LRRC4C: variants seen among roughly 807,000 people sequenced by gnomAD.
The protein encoded by LRRC4C is leucine rich repeat containing 4C.
In LRRC4C, 5 loss-of-function variants were observed where a neutral mutation model predicts 33.6. That is an observed-to-expected ratio of 0.15 (90% CI 0.08 to 0.31). The LOEUF is 0.31. LRRC4C is among the 10% of genes least tolerant of loss of function. The probability of loss-of-function intolerance (pLI) is 1.00; values close to 1 mark genes in which losing one functional copy is unlikely to be tolerated. For missense variants in LRRC4C, 560 were observed against 796.7 expected (o/e 0.70, Z 3.58); for synonymous variants, 329 against 302.0 (o/e 1.09, Z -0.93).
chr11:40,497,321 T>C (rs145675032), intron 3 of LRRC4C, among the ~76,000 whole-genome samples: 2,430 of 152,044 alleles, frequency 0.016, 74 homozygotes, highest in African/African-American at 0.055. Context: ...GGAGAATCGC[T>C]TGAATCTGGG....
At chr11:40,646,137 C>T (rs949632966) in intron 3 of LRRC4C, among the ~76,000 whole-genome samples, 1 of 151,848 alleles carries the variant, frequency 6.6e-6, no homozygotes, top group East Asian at 1.9e-4. Context: ...TGAATGTAAC[C>T]TGATTCACAC....
At chr11:40,428,034 A>G (rs1424573563) in intron 3 of LRRC4C, among the ~76,000 whole-genome samples, 1 of 152,230 alleles carries the variant, frequency 6.6e-6, no homozygotes, top group African/African-American at 2.4e-5. Context: ...ATTCTGAATC[A>G]GAAAGGCTTT....
In LRRC4C at chr11:40,723,906, T is replaced by C. The variant is rs373469608; in HGVS notation, c.-406-75628A>G. Among the ~76,000 whole-genome samples the C allele has an allele frequency of 7.9e-5, 12 of 152,182 alleles. No individual in the cohort carries two copies. The East Asian group carries it at 2.1e-3, about 27-fold the overall frequency. ...CACCCATAGGCTCAAAGTAAAGAGA[T>C]GGAGAAATATCTACAATGCAAATGG... On this transcript the variant is annotated intron_variant, in intron 2 of 6. Transcript: ENST00000528697.
chr11:40,528,039 C>A (rs879503094), intron 3 of LRRC4C, among the ~76,000 whole-genome samples: 7 of 152,208 alleles, frequency 4.6e-5, no homozygotes, highest in African/African-American at 1.7e-4. Flanking sequence ...AGCCACTGCA[C>A]CCTGCCAGAA....
At chr11:41,407,919 T>C (rs1180673039) in intron 1 of LRRC4C, among the ~76,000 whole-genome samples, 1 of 152,148 alleles carries the variant, frequency 6.6e-6, no homozygotes, top group Non-Finnish European at 1.5e-5. Context: ...ATAGCAGCTG[T>C]GGAAAGCTTC....
At chr11:40,156,904 GA>G (rs1256534760) in intron 5 of LRRC4C, among the ~76,000 whole-genome samples, 3 of 151,894 alleles carry the variant, frequency 2.0e-5, no homozygotes, top group Non-Finnish European at 4.4e-5. Context: ...TACAGAATTA[GA>G]AAAAACAATT....
rs191374840 is a variant in LRRC4C at position 41,093,527 on chromosome 11, T to A, written c.-495-159804A>T. On this transcript the variant is annotated intron_variant, in intron 1 of 6. Coordinates refer to ENST00000528697, the MANE Select transcript of LRRC4C (RefSeq NM_001258419.2). ...ATACTTGGAAGTGGAATATGTATAC[T>A]ATTTGCTCTTTATTCTTTCTTCTAG... 5.3e-5 allele frequency among the ~76,000 whole-genome samples: 8 copies of A among 152,310 alleles called. No individual in the cohort carries two copies. In the East Asian group the frequency reaches 1.5e-3, roughly 29 times the overall value.
intron 2 of LRRC4C, among the ~76,000 whole-genome samples, chr11:40,923,073 C>A (rs1000877736): frequency 6.6e-6 from 1 of 152,162 alleles, no homozygotes. Flanking sequence ...GATCTGCCCC[C>A]CTCAGCCTCC....
intron 1 of LRRC4C, among the ~76,000 whole-genome samples, chr11:41,050,953 T>G (rs958323134): frequency 1.3e-5 from 2 of 152,192 alleles, no homozygotes; most frequent in Non-Finnish European, 2.9e-5. Context: ...TCTCAGACAA[T>G]GTCTTTCAGA....
At chr11:41,368,258 T>C (rs1052596367) in intron 1 of LRRC4C, among the ~76,000 whole-genome samples, 1 of 152,156 alleles carries the variant, frequency 6.6e-6, no homozygotes. Flanking sequence ...GATACACCCA[T>C]TATTCTTTCT....
At chr11:40,861,359 G>A (rs1003884694) in intron 2 of LRRC4C, among the ~76,000 whole-genome samples, 1 of 152,190 alleles carries the variant, frequency 6.6e-6, no homozygotes. Context: ...CCTGGAAGGA[G>A]ACCCCTTGAT....
At chr11:40,716,618 A>G (rs185374725) in intron 2 of LRRC4C, among the ~76,000 whole-genome samples, 12 of 152,300 alleles carry the variant, frequency 7.9e-5, no homozygotes, top group Admixed American at 7.2e-4. Context: ...GTCAGCATAT[A>G]AAGAAAAGCA....
At chr11:40,932,160 G>T (rs541556000) in intron 2 of LRRC4C, among the ~76,000 whole-genome samples, 1 of 152,052 alleles carries the variant, frequency 6.6e-6, no homozygotes, top group African/African-American at 2.4e-5. Context: ...ATTACTGTTG[G>T]TTATCTTGGT....
intron 2 of LRRC4C, among the ~76,000 whole-genome samples, chr11:40,692,698 AAC>A (rs1452233696): frequency 6.6e-6 from 1 of 152,074 alleles, no homozygotes; most frequent in Non-Finnish European, 1.5e-5. Flanking sequence ...TGCTTTATGC[AAC>A]AGTCTATTGT....
At chr11:40,545,958 C>T (rs1212131205) in intron 3 of LRRC4C, among the ~76,000 whole-genome samples, 9 of 152,000 alleles carry the variant, frequency 5.9e-5, no homozygotes, top group African/African-American at 9.7e-5. Context: ...ATACACCTAG[C>T]GTGTTCTATA....
At chr11:41,362,591 G>C (rs1952394148) in intron 1 of LRRC4C, among the ~76,000 whole-genome samples, 1 of 152,070 alleles carries the variant, frequency 6.6e-6, no homozygotes, top group South Asian at 2.1e-4. Flanking sequence ...TGATATATTA[G>C]TTTTCTGTTA....
chr11:40,525,319 G>A (rs964442159), intron 3 of LRRC4C, among the ~76,000 whole-genome samples: 2 of 152,006 alleles, frequency 1.3e-5, no homozygotes, highest in South Asian at 2.1e-4. Flanking sequence ...GGTGCCACAC[G>A]CCTGTAGTCC....
chr11:40,770,986 C>T (rs1008725045), intron 2 of LRRC4C, among the ~76,000 whole-genome samples: 5 of 152,118 alleles, frequency 3.3e-5, no homozygotes, highest in African/African-American at 7.2e-5. Flanking sequence ...GTGGATCTAC[C>T]GTTCTAGGAT....
chr11:40,428,868 C>G (rs1325053118), intron 3 of LRRC4C, among the ~76,000 whole-genome samples: 2 of 152,004 alleles, frequency 1.3e-5, no homozygotes, highest in Non-Finnish European at 2.9e-5. Context: ...AGCTCTGTTC[C>G]CATATACTTA....
Sources: allele counts gnomAD v4.1 joint callset (sites outside exome capture counted in the v4.1 genomes callset), GRCh38; gene constraint gnomAD v4.1.1; transcripts MANE v1.5; gene names NCBI Gene and HGNC (gene_info 2026-07-23, HGNC 2026-07-21).